Variants in BANK1 observed in about 807,000 individuals in gnomAD.
BANK1 encodes the protein B-cell scaffold protein with ankyrin repeats.
In BANK1, 95 loss-of-function variants were observed where a neutral mutation model predicts 94.5. The observed-to-expected ratio is 1.00, with a 90% confidence interval of 0.85 to 1.19. The LOEUF (loss-of-function observed/expected upper bound fraction) is 1.19, where lower values mean the gene tolerates loss of function less well. Among genes scored for constraint, BANK1 ranks in the 50% most tolerant of loss-of-function variants. BANK1 has a pLI of 0.00. For synonymous variants in BANK1, 334 were observed against 308.4 expected (o/e 1.08, Z -0.87); for missense variants, 987 against 932.2 (o/e 1.06, Z -0.77).
Position 102,065,973 on chromosome 4 carries a change from G to A in BANK1, c.2212+2835G>A, listed in dbSNP as rs181390542. Among the ~76,000 whole-genome samples, 1,034 of 152,104 alleles carry A rather than the reference G, an allele frequency of 6.8e-3. 4 individuals are homozygous for A. Among genetic ancestry groups the A allele is most frequent in the Non-Finnish European group, 0.01 (682 of 67,970 alleles). On this transcript the variant is annotated intron_variant, in intron 13 of 16. Coordinates refer to ENST00000322953, the MANE Select transcript of BANK1 (RefSeq NM_017935.5). ...TGCATGTAATTAGAACCCAAAAGGA[G>A]AAAAGAGTGAAAAGAGCCAAAATAT...
chr4:102,063,831 A>AC (rs1728504594), intron 13 of BANK1, among the ~76,000 whole-genome samples: 1 of 151,912 alleles, frequency 6.6e-6, no homozygotes, highest in Non-Finnish European at 1.5e-5. Flanking sequence ...AAAAAAAAAA[A>AC]AAAAGAAATG....
chr4:101,998,444 A>G (rs1402161509), intron 7 of BANK1, among the ~76,000 whole-genome samples: 6 of 152,108 alleles, frequency 3.9e-5, no homozygotes, highest in Non-Finnish European at 7.4e-5. Flanking sequence ...CGTTTGGTCC[A>G]GAGCCCTCAA....
intron 10 of BANK1, among the ~76,000 whole-genome samples, chr4:102,037,180 AT>A (rs2148953540): frequency 6.6e-6 from 1 of 152,324 alleles, no homozygotes; most frequent in Admixed American, 6.5e-5. Flanking sequence ...AGACATTTTG[AT>A]TGTCAAGACT....
Position 102,018,319 on chromosome 4 carries a change from T to C in BANK1, c.1207-3195T>C, listed in dbSNP as rs1205135703. On this transcript the variant is annotated intron_variant, in intron 7 of 16. Coordinates refer to ENST00000322953, the MANE Select transcript of BANK1 (RefSeq NM_017935.5). Reference sequence around the variant, plus strand: ...TATTTGTCTTCATATTCTCATCCCATGGGCTTCAATGTGCTTTATAAAAGC... The same window carrying C: ...TATTTGTCTTCATATTCTCATCCCACGGGCTTCAATGTGCTTTATAAAAGC... Among the ~76,000 whole-genome samples the C allele has an allele frequency of 2.0e-5, 3 of 152,242 alleles. No individual in the cohort carries two copies. In the East Asian group the frequency reaches 5.8e-4, roughly 29 times the overall value.
chr4:101,962,429 C>T (rs1724602983), intron 7 of BANK1, among the ~76,000 whole-genome samples: 1 of 152,146 alleles, frequency 6.6e-6, no homozygotes, highest in African/African-American at 2.4e-5. Flanking sequence ...TGTGATCAAA[C>T]TCTCATCTTT....
At chr4:101,798,756 A>T (rs36128945) in intron 1 of BANK1, among the ~76,000 whole-genome samples, 1 of 152,004 alleles carries the variant, frequency 6.6e-6, no homozygotes, top group Admixed American at 6.5e-5. Context: ...GCATAAATGT[A>T]TTCTTTTGAG....
chr4:101,913,244 A>G (rs1207452283), intron 6 of BANK1, among the ~76,000 whole-genome samples: 2 of 152,170 alleles, frequency 1.3e-5, no homozygotes, highest in Non-Finnish European at 2.9e-5. Flanking sequence ...GAATGCAAAC[A>G]CATTTGTATA....
intron 7 of BANK1, among the ~76,000 whole-genome samples, chr4:101,986,607 T>C (rs1018318257): frequency 6.6e-6 from 1 of 151,618 alleles, no homozygotes; most frequent in Non-Finnish European, 1.5e-5. Context: ...GTAATTATTA[T>C]TATTATTCAG....
chr4:101,842,783 G>T (rs1422911637), intron 2 of BANK1, among the ~76,000 whole-genome samples: 1 of 152,162 alleles, frequency 6.6e-6, no homozygotes, highest in Non-Finnish European at 1.5e-5. Context: ...TGCTGTCACA[G>T]GTGGTGAATT....
At position 101,870,608 on chromosome 4, in the gene BANK1, A is replaced by G. The variant is rs763445189; in HGVS notation, c.867A>G (p.Leu289=). ...YYPTAKAKEC[L]FRMADSGESL... ...CAACAGCAAAGGCAAAGGAATGCCT[A>G]TTCAGAATGGCAGATTCAGGAGAGA... The change falls in exon 5 of 17, where the codon CTA becomes CTG. Residue 289 remains leucine (L), a synonymous_variant. Transcript: ENST00000322953. 5.6e-6 allele frequency: 9 copies of G among 1,612,516 alleles called. No homozygotes were observed. In the East Asian group the frequency reaches 1.3e-4, roughly 24 times the overall value.
chr4:101,961,327 C>G (rs918628274), intron 7 of BANK1, among the ~76,000 whole-genome samples: 1 of 152,154 alleles, frequency 6.6e-6, no homozygotes, highest in Non-Finnish European at 1.5e-5. Context: ...TGTCCAGACT[C>G]TCATGTTACT....
chr4:102,011,492 A>G (rs1395301410), intron 7 of BANK1, among the ~76,000 whole-genome samples: 2 of 152,212 alleles, frequency 1.3e-5, no homozygotes, highest in African/African-American at 4.8e-5. Context: ...CTGATAGAAT[A>G]TGAATAGCAA....
intron 8 of BANK1, among the ~76,000 whole-genome samples, chr4:102,024,085 G>T (rs908909433): frequency 6.6e-5 from 10 of 152,062 alleles, no homozygotes; most frequent in African/African-American, 2.4e-4. Context: ...TCACATGAAA[G>T]AATAGAAAAA....
chr4:101,806,760 G>A (rs1331428885), intron 1 of BANK1, among the ~76,000 whole-genome samples: 1 of 152,110 alleles, frequency 6.6e-6, no homozygotes, highest in African/African-American at 2.4e-5. Flanking sequence ...GTAGACTAAA[G>A]GCCCCATAAT....
At chr4:101,990,124 T>A (rs1725652236) in intron 7 of BANK1, among the ~76,000 whole-genome samples, 2 of 152,196 alleles carry the variant, frequency 1.3e-5, no homozygotes, top group South Asian at 4.1e-4. Context: ...AAAAGCAAAA[T>A]GTTTGACTAT....
At chr4:101,924,505 C>T (rs1196290254) in intron 7 of BANK1, among the ~76,000 whole-genome samples, 1 of 151,738 alleles carries the variant, frequency 6.6e-6, no homozygotes, top group African/African-American at 2.4e-5. Context: ...ATTCATTACT[C>T]TGCCTCAGCA....
chr4:101,919,311 G>C (rs1275414262), intron 7 of BANK1, among the ~76,000 whole-genome samples: 1 of 151,964 alleles, frequency 6.6e-6, no homozygotes, highest in African/African-American at 2.4e-5. Context: ...ATCTAGGGAT[G>C]CTTTCTAAAA....
intron 11 of BANK1, among the ~76,000 whole-genome samples, chr4:102,057,791 A>G (rs935686419): frequency 1.5e-4 from 23 of 152,346 alleles, no homozygotes; most frequent in Non-Finnish European, 1.3e-4. Flanking sequence ...TATGCATTCC[A>G]TGGGAAAGCC....
At chr4:102,050,588 A>G (rs1271441285) in intron 11 of BANK1, among the ~76,000 whole-genome samples, 4 of 152,216 alleles carry the variant, frequency 2.6e-5, no homozygotes, top group African/African-American at 9.6e-5. Context: ...GCAATAATCC[A>G]CACAATACAA....
Sources: allele counts gnomAD v4.1 joint callset (sites outside exome capture counted in the v4.1 genomes callset), GRCh38; gene constraint gnomAD v4.1.1; transcripts MANE v1.5; gene names NCBI Gene and HGNC (gene_info 2026-07-23, HGNC 2026-07-21).